CAMTA1: variants seen among roughly 807,000 people sequenced by gnomAD.
CAMTA1 encodes calmodulin binding transcription activator 1, also known as calmodulin-binding transcription activator 1.
Under a neutral mutation model 170.9 loss-of-function variants are expected in CAMTA1, and 27 were observed. The ratio of observed to expected loss-of-function variants is 0.16; its 90% CI spans 0.12 to 0.22. CAMTA1 has a LOEUF of 0.22. CAMTA1 is among the 10% of genes least tolerant of loss of function. The pLI is 1.00. For synonymous variants in CAMTA1, 833 were observed against 891.5 expected (o/e 0.93, Z 1.17); for missense variants, 1,619 against 2,217.2 (o/e 0.73, Z 5.42).
intron 4 of CAMTA1, among the ~76,000 whole-genome samples, chr1:7,189,880 A>G (rs997688678): frequency 6.6e-6 from 1 of 152,228 alleles, no homozygotes; most frequent in African/African-American, 2.4e-5. Context: ...AACCAACCCA[A>G]ATGTCCATCA....
intron 11 of CAMTA1, among the ~76,000 whole-genome samples, chr1:7,691,978 AAGG>A (rs869227807): frequency 3.7e-5 from 4 of 108,764 alleles, no homozygotes; most frequent in Non-Finnish European, 8.5e-5. Context: ...GAAGGGAAGG[AAGG>A]AGGGAGGGAG....
chr1:6,877,436 C>T (rs1376992849), intron 3 of CAMTA1, among the ~76,000 whole-genome samples: 2 of 152,044 alleles, frequency 1.3e-5, no homozygotes, highest in African/African-American at 2.4e-5. Flanking sequence ...TGTCATTCCT[C>T]AATGAAGATC....
chr1:7,507,263 G>T (rs557961111), intron 6 of CAMTA1, among the ~76,000 whole-genome samples: 3 of 151,838 alleles, frequency 2.0e-5, no homozygotes, highest in African/African-American at 4.8e-5. Flanking sequence ...TTGCACACTC[G>T]CACACACCCT....
chr1:7,476,752 A>G (rs1035691483), intron 6 of CAMTA1, among the ~76,000 whole-genome samples: 2 of 152,176 alleles, frequency 1.3e-5, no homozygotes, highest in Admixed American at 1.3e-4. Context: ...CAGCTTCAAC[A>G]TGGCCATGCA....
chr1:7,691,340 C>T (rs1338143445), intron 11 of CAMTA1, among the ~76,000 whole-genome samples: 2 of 152,140 alleles, frequency 1.3e-5, no homozygotes, highest in African/African-American at 2.4e-5. Flanking sequence ...ACCCTCAGAG[C>T]CAGGGCTGTG....
At chr1:6,858,841 C>G (rs888961719) in intron 3 of CAMTA1, among the ~76,000 whole-genome samples, 1 of 152,108 alleles carries the variant, frequency 6.6e-6, no homozygotes, top group African/African-American at 2.4e-5. Flanking sequence ...TAGAGCATTC[C>G]TTTGTCTAAA....
chr1:7,589,981 T>A (rs1410736109), intron 6 of CAMTA1, among the ~76,000 whole-genome samples: 2 of 152,130 alleles, frequency 1.3e-5, no homozygotes, highest in Admixed American at 1.3e-4. Flanking sequence ...GCAGATGGGA[T>A]TTTAAAGCCC....
intron 5 of CAMTA1, among the ~76,000 whole-genome samples, chr1:7,275,631 A>T (rs1190929275): frequency 6.6e-6 from 1 of 152,156 alleles, no homozygotes; most frequent in Non-Finnish European, 1.5e-5. Flanking sequence ...AAAGGATATC[A>T]TGAAAATTTT....
chr1:7,383,427 G>A (rs1011050729), intron 5 of CAMTA1, among the ~76,000 whole-genome samples: 28 of 152,098 alleles, frequency 1.8e-4, no homozygotes, highest in Admixed American at 1.2e-3. Flanking sequence ...GATTCAAACC[G>A]GTTAAAACCC....
chr1:7,646,304 G>A (rs2095803515), intron 7 of CAMTA1, among the ~76,000 whole-genome samples: 1 of 150,608 alleles, frequency 6.6e-6, no homozygotes, highest in South Asian at 2.1e-4. Flanking sequence ...GGTGAGTTGG[G>A]TGGAGGCCCT....
Position 7,247,804 on chromosome 1 carries a change from A to G in CAMTA1, c.303-1687A>G, listed in dbSNP as rs114128648. On this transcript the variant is annotated intron_variant, in intron 4 of 22. Transcript: ENST00000303635. ...GGGGCTGAAGCGGGAAGAGGCTGAC[A>G]TCGTTGGCCCCACATGCAAGCCTAC... 3.3e-3 allele frequency among the ~76,000 whole-genome samples: 509 copies of G among 152,304 alleles called. 2 individuals carry two copies. Among genetic ancestry groups the G allele is most frequent in the Non-Finnish European group, 5.3e-3 (360 of 68,012 alleles).
chr1:6,919,562 G>A (rs1681540383), intron 3 of CAMTA1, among the ~76,000 whole-genome samples: 1 of 150,280 alleles, frequency 6.7e-6, no homozygotes, highest in African/African-American at 2.4e-5. Flanking sequence ...CTAGCTGGGT[G>A]TTCCCAAACC....
At chr1:6,983,816 G>C (rs1267274954) in intron 3 of CAMTA1, among the ~76,000 whole-genome samples, 1 of 148,478 alleles carries the variant, frequency 6.7e-6, no homozygotes, top group Non-Finnish European at 1.5e-5. Flanking sequence ...TGGATGGATA[G>C]ATTAATGCAT....
At chr1:7,338,969 T>C (rs546652427) in intron 5 of CAMTA1, among the ~76,000 whole-genome samples, 1 of 152,176 alleles carries the variant, frequency 6.6e-6, no homozygotes, top group Non-Finnish European at 1.5e-5. Context: ...ATGTCTTACA[T>C]GCCTGGAGCA....
Position 7,005,945 on chromosome 1 carries a change from C to T in CAMTA1, c.235-85359C>T, listed in dbSNP as rs546778358. 1.1e-4 allele frequency among the ~76,000 whole-genome samples: 16 copies of T among 152,242 alleles called. No individual in the cohort carries two copies. In the East Asian group the frequency reaches 1.2e-3, roughly 11 times the overall value. Reference sequence around the variant, plus strand: ...GATTGCTGCCCCAGATCTGGCTGTACGGAGTTGGTGTGGGATAGACCAGGG... The same window carrying T: ...GATTGCTGCCCCAGATCTGGCTGTATGGAGTTGGTGTGGGATAGACCAGGG... On this transcript the variant is annotated intron_variant, in intron 3 of 22. Coordinates refer to ENST00000303635, the MANE Select transcript of CAMTA1 (RefSeq NM_015215.4).
At chr1:6,844,459 C>G (rs2148725086) in intron 3 of CAMTA1, among the ~76,000 whole-genome samples, 1 of 149,382 alleles carries the variant, frequency 6.7e-6, no homozygotes, top group African/African-American at 2.5e-5. Context: ...GATGCTGGAG[C>G]CCAGGAGTTC....
chr1:7,382,760 C>T (rs945307945), intron 5 of CAMTA1: 5 of 152,048 alleles, frequency 3.3e-5, no homozygotes, highest in Admixed American at 3.3e-4. Flanking sequence ...CAATATTTGA[C>T]ATAAAACATT....
intron 4 of CAMTA1, among the ~76,000 whole-genome samples, chr1:7,104,909 C>A (rs1194999746): frequency 1.3e-5 from 2 of 152,104 alleles, no homozygotes; most frequent in Non-Finnish European, 2.9e-5. Flanking sequence ...AGCTGTGATA[C>A]AGAATTCCAA....
intron 3 of CAMTA1, among the ~76,000 whole-genome samples, chr1:6,906,560 A>G (rs937636803): frequency 5.3e-5 from 8 of 152,118 alleles, no homozygotes; most frequent in Non-Finnish European, 1.0e-4. Flanking sequence ...CATGGGAGCA[A>G]TGGAGTTGGG....
Sources: allele counts gnomAD v4.1 joint callset (sites outside exome capture counted in the v4.1 genomes callset), GRCh38; gene constraint gnomAD v4.1.1; transcripts MANE v1.5; gene names NCBI Gene and HGNC (gene_info 2026-07-23, HGNC 2026-07-21).